The following NPR3 variants were observed in gnomAD, a reference collection of about 807,000 sequenced individuals.
The protein encoded by NPR3 is atrial natriuretic peptide receptor 3.
NPR3 carries 34 observed loss-of-function variants against 54.5 expected under a neutral mutation model. The ratio of observed to expected loss-of-function variants is 0.62; its 90% CI spans 0.47 to 0.83. NPR3 has a LOEUF of 0.83. NPR3 is among the 40% of genes least tolerant of loss of function. The pLI is 0.00. For missense variants in NPR3, 674 were observed against 720.8 expected (o/e 0.94, Z 0.74); for synonymous variants, 289 against 297.1 (o/e 0.97, Z 0.28).
intron 5 of NPR3, 97 bp from the exon 6 acceptor site, chr5:32,782,796 T>A: frequency 8.4e-7 from 1 of 1,196,390 alleles, no homozygotes; most frequent in African/African-American, 1.5e-5. Context: ...CCAGTTTAGA[T>A]CAGGCTGTAC....
Position 32,728,792 on chromosome 5 carries a change from C to A in NPR3, c.892+3972C>A, listed in dbSNP as rs185584434. On this transcript the variant is annotated intron_variant, in intron 2 of 7. Coordinates refer to ENST00000265074, the MANE Select transcript of NPR3 (RefSeq NM_001204375.2). The stretch of plus-strand genomic sequence containing the variant: ...GTATTAACGTGCTTCAGATTCCAAG[C>A]TTTTATTTGGATTTTGGAATATTTG... Among the ~76,000 whole-genome samples, 579 of 128,768 alleles carry A rather than the reference C, an allele frequency of 4.5e-3. 6 individuals are homozygous for A. Among genetic ancestry groups the A allele is most frequent in the African/African-American group, 0.016 (559 of 35,188 alleles). The allele number at this position is 128,768 out of a possible 152,430, so 84.5% of individuals were successfully genotyped here. A position where few individuals can be genotyped will look rare whatever the true frequency, so the allele number is the denominator to read the frequency against.
In NPR3 at chr5:32,787,433, A is replaced by C. The variant is rs1192660285; in HGVS notation, c.*1088A>C. ...AGATCAAGAGTAAAAAGTTATTAGA[A>C]TTAAACAGTTTTATAAAGGGAGGCA... On this transcript the variant is annotated 3_prime_UTR_variant, in exon 8 of 8. Transcript: ENST00000265074. 6.6e-6 allele frequency: 1 copy of C among 152,226 alleles called. No individual in the cohort carries two copies. The highest frequency in any genetic ancestry group is 1.5e-5 in the Non-Finnish European group (1 of 68,050). 9.4% of individuals were successfully genotyped at this position (152,226 alleles called of 1,614,324 possible). A position where few individuals can be genotyped will look rare whatever the true frequency, so the allele number is the denominator to read the frequency against.
intron 2 of NPR3, among the ~76,000 whole-genome samples, chr5:32,727,903 T>A (rs968406409): frequency 6.6e-6 from 1 of 152,238 alleles, no homozygotes. Context: ...ATACTTTAAA[T>A]TTTGACTTCT....
intron 1 of NPR3, among the ~76,000 whole-genome samples, chr5:32,696,794 G>T (rs1350966520): frequency 6.6e-6 from 1 of 151,932 alleles, no homozygotes; most frequent in Non-Finnish European, 1.5e-5. Context: ...TTCTTTTTAA[G>T]ATTATTCACT....
intron 2 of NPR3, among the ~76,000 whole-genome samples, chr5:32,734,123 G>C (rs1739603899): frequency 2.0e-5 from 3 of 152,222 alleles, no homozygotes; most frequent in Admixed American, 2.0e-4. Flanking sequence ...ATTAAGGGGT[G>C]CTGTTATTAA....
At chr5:32,714,539 G>A (rs1273094271) in intron 1 of NPR3, among the ~76,000 whole-genome samples, 4 of 151,330 alleles carry the variant, frequency 2.6e-5, no homozygotes, top group Non-Finnish European at 1.5e-5. Flanking sequence ...GCATTGAGGG[G>A]TGAAAGTTTG....
At chr5:32,720,085 G>A (rs916829136) in intron 1 of NPR3, among the ~76,000 whole-genome samples, 1 of 152,130 alleles carries the variant, frequency 6.6e-6, no homozygotes, top group Admixed American at 6.5e-5. Flanking sequence ...CCAGAATTAG[G>A]CAGGAATATC....
intron 3 of NPR3, among the ~76,000 whole-genome samples, chr5:32,770,151 G>A (rs557208793): frequency 3.9e-5 from 6 of 152,346 alleles, no homozygotes; most frequent in South Asian, 4.1e-4. Context: ...GAGATGACAG[G>A]CCTGGTACAG....
chr5:32,711,975 TTTTCACTCACCC>T lies in NPR3; in HGVS notation c.200_211del (p.Phe67_Arg71delinsTrp). On this transcript the variant is annotated inframe_deletion, in exon 1 of 8. Transcript: ENST00000265074. The stretch of plus-strand genomic sequence containing the variant: ...ACTGCCCCAGGATGACTCGTACTTG[TTTTCACTCACCC>T]GGGTGCGGCCGGCCATCGAGTATGC... The T allele has an allele frequency of 6.2e-7, 1 of 1,606,124 alleles. No homozygotes were observed. Among genetic ancestry groups the T allele is most frequent in the Non-Finnish European group, 8.5e-7 (1 of 1,176,206 alleles).
At chr5:32,771,242 C>T (rs1444736242) in intron 3 of NPR3, among the ~76,000 whole-genome samples, 3 of 152,138 alleles carry the variant, frequency 2.0e-5, no homozygotes, top group Admixed American at 6.5e-5. Flanking sequence ...AAACCTCCCC[C>T]GCAGTGGGCG....
chr5:32,775,090 C>G (rs1741975852), intron 4 of NPR3, among the ~76,000 whole-genome samples: 1 of 152,202 alleles, frequency 6.6e-6, no homozygotes, highest in African/African-American at 2.4e-5. Context: ...CTCTATGCTT[C>G]TTAATATTGC....
chr5:32,771,204 C>T (rs1741739715), intron 3 of NPR3, among the ~76,000 whole-genome samples: 1 of 152,148 alleles, frequency 6.6e-6, no homozygotes, highest in Admixed American at 6.5e-5. Context: ...TTGCTTCTGG[C>T]TTGAGGTCCT....
chr5:32,704,773 A>C (rs181411956), upstream of NPR3, among the ~76,000 whole-genome samples: 1 of 152,368 alleles, frequency 6.6e-6, no homozygotes, highest in African/African-American at 2.4e-5. Flanking sequence ...TGGCGTTTGC[A>C]CATGGCCCAG....
At chr5:32,715,415 G>A (rs1343591607) in intron 1 of NPR3, among the ~76,000 whole-genome samples, 5 of 152,028 alleles carry the variant, frequency 3.3e-5, no homozygotes, top group African/African-American at 9.7e-5. Flanking sequence ...AAAACTGACC[G>A]TGCCAGCATC....
chr5:32,785,072 C>T (rs1312957317), intron 7 of NPR3, among the ~76,000 whole-genome samples, 189 bp downstream of exon 7: 3 of 151,446 alleles, frequency 2.0e-5, no homozygotes, highest in Admixed American at 1.3e-4. Flanking sequence ...TACTGGGTGC[C>T]AGGGTCATGG....
rs941821400 is a variant in NPR3, at chr5:32,778,040, G to C, written c.1196-2682G>C. 3.3e-5 allele frequency among the ~76,000 whole-genome samples: 5 copies of C among 152,160 alleles called. No individual in the cohort carries two copies. In the East Asian group the frequency reaches 5.8e-4, roughly 18 times the overall value. ...CAGGAGCCAGAGTTGGGGGATGCTG[G>C]AGGGCGCCACTGAGGGAGGGTGTGA... is the stretch of plus-strand genomic sequence containing the variant. On this transcript the variant is annotated intron_variant, in intron 4 of 7. Coordinates refer to ENST00000265074, the MANE Select transcript of NPR3 (RefSeq NM_001204375.2).
At chr5:32,741,368 G>A (rs1270379414) in intron 3 of NPR3, among the ~76,000 whole-genome samples, 1 of 152,216 alleles carries the variant, frequency 6.6e-6, no homozygotes, top group Admixed American at 6.5e-5. Flanking sequence ...GCAGTGATCC[G>A]TGATTGCACC....
At chr5:32,778,674 A>G (rs1742190889) in intron 4 of NPR3, among the ~76,000 whole-genome samples, 1 of 152,190 alleles carries the variant, frequency 6.6e-6, no homozygotes, top group Non-Finnish European at 1.5e-5. Flanking sequence ...GGAAAATTCT[A>G]CTGTAAGCCT....
At chr5:32,730,207 A>G (rs893149008) in intron 2 of NPR3, among the ~76,000 whole-genome samples, 1 of 152,210 alleles carries the variant, frequency 6.6e-6, no homozygotes, top group East Asian at 1.9e-4. Context: ...TTAAAAAAAA[A>G]AGGTCACATG....
Sources: allele counts gnomAD v4.1 joint callset (sites outside exome capture counted in the v4.1 genomes callset), GRCh38; gene constraint gnomAD v4.1.1; transcripts MANE v1.5; gene names NCBI Gene and HGNC (gene_info 2026-07-23, HGNC 2026-07-21).